GARS1: variants seen among roughly 807,000 people sequenced by gnomAD.
GARS1 encodes glycyl-tRNA synthetase 1.
A neutral mutation model predicts 86.4 loss-of-function variants in GARS1; 46 were observed. The observed-to-expected ratio is 0.53, with a 90% CI of 0.42 to 0.68. GARS1 has a LOEUF of 0.68. GARS1 is among the 30% of genes least tolerant of loss of function. GARS1 has a pLI of 0.00. For synonymous variants in GARS1, 342 were observed against 329.8 expected, an observed-to-expected ratio of 1.04 and a Z score of -0.40; for missense variants, 797 against 915.6, an observed-to-expected ratio of 0.87 and a Z score of 1.67.
intron 3 of GARS1, 36 bp from the exon 4 acceptor site, chr7:30,601,022 CA>C: frequency 6.2e-7 from 1 of 1,606,628 alleles, no homozygotes. Flanking sequence ...TTCAGAGTAA[CA>C]AGGTAAAGTA....
In GARS1 at chr7:30,617,164, C is replaced by T. The variant is rs1584039354; in HGVS notation, c.1245C>T (p.Leu415=). The T allele has an allele frequency of 6.2e-7, 1 of 1,614,098 alleles. No homozygotes were observed. Among genetic ancestry groups the T allele is most frequent in the Non-Finnish European group, 8.5e-7 (1 of 1,179,956 alleles). The change falls in exon 10 of 17, where the codon CTC becomes CTT. Residue 415 remains leucine (L), a synonymous_variant. Coordinates refer to ENST00000389266, the MANE Select transcript of GARS1 (RefSeq NM_002047.4). ...GCTATTTCATTGGCCGCATCTACCT[C>T]TACCTCACGAAGGTTGGAATATCTC... ...VLGYFIGRIY[L]YLTKVGISPD...
rs551351189 is a variant in GARS1, at chr7:30,632,459, ATTTTTAGCC to A, written c.2094+25_2094+33del. 4.7e-4 allele frequency: 750 copies of A among 1,612,520 alleles called. No individual in the cohort carries two copies. Among genetic ancestry groups the A allele is most frequent in the Non-Finnish European group, 6.1e-4 (714 of 1,178,676 alleles). ...AGAGGTATCTGGCCTTCTCTTTGGC[ATTTTTAGCC>A]TTAGAAATGTGTACTGCTTCTTACT... On this transcript the variant is annotated intron_variant, in intron 16 of 16. Transcript: ENST00000389266. This position sits in a 1 kb window ranked among gnomAD's most constrained non-coding sequence, Gnocchi z 4.1.
chr7:30,605,512 T>C (rs970947199), intron 6 of GARS1, among the ~76,000 whole-genome samples: 1 of 152,216 alleles, frequency 6.6e-6, no homozygotes, highest in South Asian at 2.1e-4. Flanking sequence ...TTCTTTCCCC[T>C]AATTCTTTGT....
intron 10 of GARS1, among the ~76,000 whole-genome samples, chr7:30,618,559 G>C (rs542194739): frequency 6.6e-6 from 1 of 152,122 alleles, no homozygotes. Flanking sequence ...ACATGAGCCC[G>C]GGAGGTTGAG....
At position 30,606,305 on chromosome 7, in the gene GARS1, C is replaced by CTT. The variant is rs35302357; in HGVS notation, c.735+2750_735+2751dup. 4.4e-3 allele frequency among the ~76,000 whole-genome samples: 557 copies of CTT among 127,502 alleles called. 5 individuals carry two copies. The highest frequency in any genetic ancestry group is 6.4e-3 in the Non-Finnish European group (396 of 61,608). 83.6% of individuals were successfully genotyped at this position (127,502 alleles called of 152,430 possible). A position where few individuals can be genotyped will look rare whatever the true frequency, so the allele number is the denominator to read the frequency against. On this transcript the variant is annotated intron_variant, in intron 6 of 16. Coordinates refer to ENST00000389266, the MANE Select transcript of GARS1 (RefSeq NM_002047.4). ...AATGGTGATTTTTGTCATTGTTATT[C>CTT]TTTTTTTTTTTTTTTTTTAGCTAGA...
chr7:30,622,097 A>T, intron 11 of GARS1: 2 of 572,126 alleles, frequency 3.5e-6, no homozygotes, highest in Admixed American at 5.8e-5. Context: ...TTCTCACTGT[A>T]ACTGGAAAAG....
chr7:30,595,240 T>C (rs2128131976), intron 1 of GARS1, 97 bp downstream of exon 1: 1 of 1,144,630 alleles, frequency 8.7e-7, no homozygotes, highest in Middle Eastern at 2.3e-4. Context: ...TGTCCTCCTC[T>C]TCGGTTACCC....
At chr7:30,631,683 G>A (rs761322391) in intron 15 of GARS1, 142 bp downstream of exon 15, 2 of 674,162 alleles carry the variant, frequency 3.0e-6, no homozygotes, top group Non-Finnish European at 5.3e-6. Context: ...ATTTTAGCCT[G>A]TACTCTTATT....
At chr7:30,621,304 G>A (rs1377345032) in intron 10 of GARS1, 89 bp from the exon 11 acceptor site, 1 of 1,024,258 alleles carries the variant, frequency 9.8e-7, no homozygotes, top group Admixed American at 1.7e-5. Context: ...TTGAATATAT[G>A]AAAGGTTTAT....
At chr7:30,614,576 T>A (rs1049539166) in intron 8 of GARS1, among the ~76,000 whole-genome samples, 1 of 152,066 alleles carries the variant, frequency 6.6e-6, no homozygotes, top group African/African-American at 2.4e-5. Flanking sequence ...AAAATAAAAT[T>A]TAAAAATTAA....
chr7:30,609,820 A>G (rs1791561501), intron 7 of GARS1, 90 bp downstream of exon 7: 17 of 1,255,212 alleles, frequency 1.4e-5, no homozygotes, highest in Non-Finnish European at 1.8e-5. Context: ...ATGAAGGAAA[A>G]ATTTTTAAAA....
chr7:30,600,573 A>G (rs753947900), intron 3 of GARS1, among the ~76,000 whole-genome samples: 65 of 152,266 alleles, frequency 4.3e-4, no homozygotes, highest in Non-Finnish European at 4.7e-4. Flanking sequence ...TCAACGGATT[A>G]TTACAACAAC....
At chr7:30,625,069 A>G (rs1008236789) in intron 12 of GARS1, among the ~76,000 whole-genome samples, 2 of 152,046 alleles carry the variant, frequency 1.3e-5, no homozygotes, top group African/African-American at 2.4e-5. Flanking sequence ...CAGCCTCCCG[A>G]GTAGCTGGGA....
intron 12 of GARS1, among the ~76,000 whole-genome samples, chr7:30,624,916 T>C (rs777839668): frequency 5.9e-5 from 9 of 152,188 alleles, no homozygotes; most frequent in Non-Finnish European, 1.0e-4. Context: ...TTAATTATTC[T>C]CAAATAATGG....
chr7:30,601,150 A>G lies in GARS1; in HGVS notation c.519A>G (p.Glu173=), dbSNP rs1372932884. ...QTWRQHFIQE[E]QILEIDCTML... ...GGAGGCAGCACTTTATCCAAGAGGA[A>G]CAGATCCTGGAGATCGATTGCACCA... Residue 173 remains glutamate (E), a synonymous_variant, in exon 4 of 17, where the codon GAA becomes GAG. Transcript: ENST00000389266. The G allele has an allele frequency of 1.2e-6, 2 of 1,614,040 alleles. No homozygotes were observed. Among genetic ancestry groups the G allele is most frequent in the African/African-American group, 2.7e-5 (2 of 74,942 alleles).
At chr7:30,626,376 G>A (rs1783127883) in intron 13 of GARS1, 57 bp downstream of exon 13, 1 of 1,082,336 alleles carries the variant, frequency 9.2e-7, no homozygotes, top group East Asian at 2.5e-5. Context: ...TTTTGTTGTT[G>A]TTTGAGACAG....
rs1381226114 is a variant in GARS1, at chr7:30,615,892, T to G, written c.1032-4T>G. On this transcript the variant is annotated splice_region_variant and splice_polypyrimidine_tract_variant and intron_variant, in intron 8 of 16. Transcript: ENST00000389266. ...AGGTTTATCGCTTACGTTTTTGCTT[T>G]CAGAGAATTCACAATGGCAGAAATT... is the stretch of plus-strand genomic sequence containing the variant. 6 of 1,614,082 alleles carry G rather than the reference T, an allele frequency of 3.7e-6. No individual in the cohort carries two copies. Among genetic ancestry groups the G allele is most frequent in the Non-Finnish European group, 5.1e-6 (6 of 1,180,038 alleles).
chr7:30,611,449 C>G (rs1584033686), intron 7 of GARS1, among the ~76,000 whole-genome samples: 1 of 152,138 alleles, frequency 6.6e-6, no homozygotes, highest in South Asian at 2.1e-4. Context: ...TAGAAGACAT[C>G]AGGGGTTTAA....
intron 12 of GARS1, among the ~76,000 whole-genome samples, chr7:30,624,515 G>A (rs1489542419): frequency 2.0e-5 from 3 of 152,150 alleles, no homozygotes; most frequent in Admixed American, 1.3e-4. Flanking sequence ...ATACTCTTGT[G>A]AGGTGTATAC....
Sources: allele counts gnomAD v4.1 joint callset (sites outside exome capture counted in the v4.1 genomes callset), GRCh38; gene constraint gnomAD v4.1.1; non-coding constraint Gnocchi (gnomAD v3.1); transcripts MANE v1.5; gene names NCBI Gene and HGNC (gene_info 2026-07-23, HGNC 2026-07-21).